Variants in RBFOX1 observed in about 807,000 individuals in gnomAD.
The protein encoded by RBFOX1 is RNA binding fox-1 homolog 1, also known as RNA binding protein fox-1 homolog 1.
A neutral mutation model predicts 57.7 loss-of-function variants in RBFOX1; 8 were observed. The ratio of observed to expected loss-of-function variants is 0.14; its 90% CI spans 0.08 to 0.25. The LOEUF is 0.25. Ranked by LOEUF, RBFOX1 falls within the 10% of genes least tolerant of loss-of-function variation. The probability of loss-of-function intolerance (pLI) is 1.00; values close to 1 mark genes in which losing one functional copy is unlikely to be tolerated. For missense variants in RBFOX1, 611 were observed against 548.5 expected (o/e 1.11, Z -1.14); for synonymous variants, 326 against 222.4 (o/e 1.47, Z -4.15).
intron 3 of RBFOX1, among the ~76,000 whole-genome samples, chr16:7,027,697 A>C (rs1459176511): frequency 1.3e-5 from 2 of 152,212 alleles, no homozygotes; most frequent in Non-Finnish European, 2.9e-5. Context: ...CAGAAGAGGA[A>C]TAGTCAGTTT....
chr16:6,909,506 A>C (rs1842239173), intron 3 of RBFOX1, among the ~76,000 whole-genome samples: 1 of 152,184 alleles, frequency 6.6e-6, no homozygotes, highest in Admixed American at 6.5e-5. Flanking sequence ...TCTGTCTATC[A>C]CACTCTCTAA....
intron 1 of RBFOX1, among the ~76,000 whole-genome samples, chr16:6,115,066 C>T (rs904630507): frequency 1.3e-5 from 2 of 152,006 alleles, no homozygotes; most frequent in Non-Finnish European, 2.9e-5. Flanking sequence ...TAGTAACTTC[C>T]AGGTGATTGC....
At chr16:6,784,895 A>T (rs1207220322) in intron 3 of RBFOX1, among the ~76,000 whole-genome samples, 1 of 152,120 alleles carries the variant, frequency 6.6e-6, no homozygotes, top group Admixed American at 6.5e-5. Context: ...GGCTGGAGTT[A>T]TTGTCACCAA....
chr16:6,805,907 ATCT>A (rs1346865310), intron 3 of RBFOX1, among the ~76,000 whole-genome samples: 2 of 152,192 alleles, frequency 1.3e-5, no homozygotes, highest in Non-Finnish European at 1.5e-5. Context: ...TCCCTGTTGT[ATCT>A]TCTTTACTCA....
At chr16:6,726,149 T>C (rs1424301897) in intron 3 of RBFOX1, among the ~76,000 whole-genome samples, 1 of 152,132 alleles carries the variant, frequency 6.6e-6, no homozygotes, top group African/African-American at 2.4e-5. Flanking sequence ...ATTTCCTTTT[T>C]TACTGTTATT....
At chr16:6,333,674 CTTAAG>C (rs751784871) in intron 2 of RBFOX1, among the ~76,000 whole-genome samples, 1 of 152,138 alleles carries the variant, frequency 6.6e-6, no homozygotes, top group Non-Finnish European at 1.5e-5. Flanking sequence ...CGTGGATGGA[CTTAAG>C]TTTAGAATAG....
At chr16:6,192,814 C>T (rs995883444) in intron 1 of RBFOX1, among the ~76,000 whole-genome samples, 10 of 152,180 alleles carry the variant, frequency 6.6e-5, no homozygotes, top group South Asian at 2.1e-4. Flanking sequence ...AAAAGATTTC[C>T]GTAAACATTG....
intron 3 of RBFOX1, among the ~76,000 whole-genome samples, chr16:6,708,021 T>C (rs948025708): frequency 6.6e-6 from 1 of 152,148 alleles, no homozygotes; most frequent in African/African-American, 2.4e-5. Flanking sequence ...AAAACCTTAG[T>C]TTCAGAAGAA....
intron 3 of RBFOX1, among the ~76,000 whole-genome samples, chr16:7,040,838 T>C (rs1387326198): frequency 2.6e-5 from 4 of 152,230 alleles, no homozygotes; most frequent in Non-Finnish European, 5.9e-5. Context: ...GTTTGGCAAA[T>C]TGTGGCCATG....
chr16:7,260,869 A>G (rs2094892085), intron 4 of RBFOX1, among the ~76,000 whole-genome samples: 1 of 152,190 alleles, frequency 6.6e-6, no homozygotes, highest in Admixed American at 6.5e-5. Flanking sequence ...CTATCTAATT[A>G]AGAGCTGGGG....
At chr16:5,920,078 C>T (rs556815480) in intron 4 of RBFOX1, among the ~76,000 whole-genome samples, 36 of 152,290 alleles carry the variant, frequency 2.4e-4, no homozygotes, top group Middle Eastern at 3.4e-3. Flanking sequence ...GGACTACAGG[C>T]GCCCGCCACC....
Position 5,266,656 on chromosome 16 carries a change from T to C in RBFOX1, c.219+26551T>C, listed in dbSNP as rs1009400003. Reference sequence around the variant, plus strand: ...TCTGTCTCCTGGGCTCAAGGAGTCCTCCCACCTCAGCCCTCTGGAGTAGCT... The same window carrying C: ...TCTGTCTCCTGGGCTCAAGGAGTCCCCCCACCTCAGCCCTCTGGAGTAGCT... On this transcript the variant is annotated intron_variant, in intron 1 of 2. Transcript: ENST00000585867. Among the ~76,000 whole-genome samples the C allele has an allele frequency of 6.0e-5, 9 of 150,278 alleles. No homozygotes were observed. The East Asian group carries it at 6.0e-4, about 10-fold the overall frequency.
At chr16:6,867,750 A>G (rs1428813621) in intron 3 of RBFOX1, among the ~76,000 whole-genome samples, 1 of 152,162 alleles carries the variant, frequency 6.6e-6, no homozygotes, top group Admixed American at 6.5e-5. Context: ...TTATCAGTTA[A>G]TGTGTGAATT....
chr16:5,870,441 C>G (rs1354057224), intron 4 of RBFOX1, among the ~76,000 whole-genome samples: 2 of 149,044 alleles, frequency 1.3e-5, no homozygotes, highest in Non-Finnish European at 3.0e-5. Flanking sequence ...ATGTATCAAC[C>G]AGGATGATGG....
intron 3 of RBFOX1, among the ~76,000 whole-genome samples, chr16:6,916,117 A>G (rs549020739): frequency 6.6e-6 from 1 of 152,252 alleles, no homozygotes; most frequent in East Asian, 1.9e-4. Context: ...TGTGTACAAG[A>G]CAACTGAAGG....
Position 5,302,695 on chromosome 16 carries a change from A to G in RBFOX1, c.219+62590A>G, listed in dbSNP as rs191501701. Among the ~76,000 whole-genome samples, 16 of 152,298 alleles carry G rather than the reference A, an allele frequency of 1.1e-4. No homozygotes were observed. The South Asian group carries it at 1.9e-3, about 18-fold the overall frequency. On this transcript the variant is annotated intron_variant, in intron 1 of 2. Coordinates refer to the RBFOX1 transcript ENST00000585867. ...TAAATGATCATTTTTACCCCTAGTA[A>G]TGCTCTTTGTCTTGAGGTTTATTTT...
chr16:5,925,461 T>C (rs1207569852), intron 4 of RBFOX1, among the ~76,000 whole-genome samples: 1 of 152,116 alleles, frequency 6.6e-6, no homozygotes, highest in Non-Finnish European at 1.5e-5. Flanking sequence ...GGAAAACCCA[T>C]GGAAACAGAA....
intron 3 of RBFOX1, among the ~76,000 whole-genome samples, chr16:6,992,104 G>A (rs1401388119): frequency 1.3e-5 from 2 of 152,132 alleles, no homozygotes; most frequent in Non-Finnish European, 1.5e-5. Context: ...AGGGAGAACG[G>A]GTGTAGCTGT....
At chr16:6,523,742 T>C (rs541438807) in intron 2 of RBFOX1, among the ~76,000 whole-genome samples, 54 of 152,322 alleles carry the variant, frequency 3.5e-4, no homozygotes, top group African/African-American at 1.2e-3. Flanking sequence ...CATAGCCCCA[T>C]TGGTTGACTA....
Sources: allele counts gnomAD v4.1 joint callset (sites outside exome capture counted in the v4.1 genomes callset), GRCh38; gene constraint gnomAD v4.1.1; transcripts MANE v1.5; gene names NCBI Gene and HGNC (gene_info 2026-07-23, HGNC 2026-07-21).